Variants in ANKH observed in about 807,000 individuals in gnomAD.
The protein encoded by ANKH is mineralization regulator ANKH.
Under a neutral mutation model 49.0 loss-of-function variants are expected in ANKH, and 15 were observed. That is an observed-to-expected ratio of 0.31 (90% CI 0.20 to 0.47). The LOEUF is 0.47. ANKH is among the 20% of genes least tolerant of loss of function. The pLI is 1.00. For missense variants in ANKH, 429 were observed against 652.0 expected (o/e 0.66, Z 3.72); for synonymous variants, 273 against 260.0 (o/e 1.05, Z -0.48).
At chr5:14,757,431 T>TATATATA (rs1491137786) in intron 3 of ANKH, among the ~76,000 whole-genome samples, 225 of 106,582 alleles carry the variant, frequency 2.1e-3, no homozygotes, top group African/African-American at 7.3e-3. Flanking sequence ...TATATATATA[T>TATATATA]TTTTTTTTTT....
chr5:14,785,313 T>A (rs1484083270), intron 1 of ANKH, among the ~76,000 whole-genome samples: 3 of 152,128 alleles, frequency 2.0e-5, no homozygotes, highest in Non-Finnish European at 4.4e-5. Flanking sequence ...GGTGAGAGGA[T>A]CTTGGGGGTG....
At chr5:14,864,044 A>T (rs2126634026) in intron 1 of ANKH, among the ~76,000 whole-genome samples, 1 of 152,188 alleles carries the variant, frequency 6.6e-6, no homozygotes, top group South Asian at 2.1e-4. Context: ...ACAAGACCCA[A>T]TCTCTACAAA....
chr5:14,736,621 C>T (rs531979734), intron 8 of ANKH, among the ~76,000 whole-genome samples: 4 of 152,210 alleles, frequency 2.6e-5, no homozygotes, highest in Non-Finnish European at 5.9e-5. Context: ...TTTTTCTGAC[C>T]AGTCTCTCTC....
intron 1 of ANKH, among the ~76,000 whole-genome samples, chr5:14,793,057 T>TATATATATATA (rs1451315549): frequency 1.1e-4 from 6 of 54,646 alleles, no homozygotes; most frequent in East Asian, 7.9e-4. Flanking sequence ...TAAATATATA[T>TATATATATATA]AAAATATATA....
At chr5:14,756,792 G>A (rs1368171302) in intron 3 of ANKH, among the ~76,000 whole-genome samples, 1 of 152,114 alleles carries the variant, frequency 6.6e-6, no homozygotes, top group Admixed American at 6.5e-5. Context: ...CAGGGGTGAG[G>A]GGGTGGGGAG....
intron 8 of ANKH, among the ~76,000 whole-genome samples, chr5:14,730,274 G>A (rs916294976): frequency 3.9e-5 from 6 of 152,190 alleles, no homozygotes; most frequent in Admixed American, 6.5e-5. Flanking sequence ...GGATGATCCT[G>A]GGCTGCTGAC....
intron 1 of ANKH, among the ~76,000 whole-genome samples, chr5:14,821,363 T>A (rs116041578): frequency 2.6e-5 from 4 of 152,164 alleles, no homozygotes; most frequent in African/African-American, 9.7e-5. Context: ...CAGGAAGACA[T>A]AGTATGTTAT....
chr5:14,859,680 A>G (rs959010896), intron 1 of ANKH, among the ~76,000 whole-genome samples: 1 of 152,206 alleles, frequency 6.6e-6, no homozygotes, highest in African/African-American at 2.4e-5. Context: ...GAAGACTGCA[A>G]AGGGGCACTG....
Position 14,871,461 on chromosome 5 carries a change from G to A in ANKH, c.-14C>T. The A allele has an allele frequency of 3.1e-6, 5 of 1,608,434 alleles. No homozygotes were observed. Among genetic ancestry groups the A allele is most frequent in the Admixed American group, 1.7e-5 (1 of 59,922 alleles). On this transcript the variant is annotated 5_prime_UTR_variant, in exon 1 of 12. Coordinates refer to ENST00000284268, the MANE Select transcript of ANKH (RefSeq NM_054027.6). ...GAATTTCACCATAGTCCCCGCCGTGGGCTGACCCCACACACATCTGCTGCC... is the reference window on the plus strand; with the variant it reads ...GAATTTCACCATAGTCCCCGCCGTGAGCTGACCCCACACACATCTGCTGCC...
At chr5:14,747,787 C>T (rs1353859794) in intron 6 of ANKH, among the ~76,000 whole-genome samples, 1 of 152,144 alleles carries the variant, frequency 6.6e-6, no homozygotes, top group Non-Finnish European at 1.5e-5. Context: ...TGTGGTGTGG[C>T]GTGCTGTGCT....
intron 1 of ANKH, among the ~76,000 whole-genome samples, chr5:14,773,776 T>G (rs973922681): frequency 4.6e-5 from 7 of 152,356 alleles, no homozygotes; most frequent in African/African-American, 1.7e-4. Context: ...TGTTTACTGC[T>G]GTTCACCTAC....
rs1738637486 is a variant in ANKH at position 14,749,294 on chromosome 5, T to C, written c.700A>G (p.Ile234Val). The change falls in exon 6 of 12, where the codon ATA becomes GTA. Residue 234 changes from isoleucine (I) to valine (V), a missense_variant. Physicochemically the swap from Ile to Val is conservative, Grantham distance 29 (BLOSUM62 3). Transcript: ENST00000284268. Reference protein sequence around the residue: ...SGPELGGDATIRKMLSFWWPL... With the variant: ...SGPELGGDATVRKMLSFWWPL... The stretch of plus-strand genomic sequence containing the variant: ...CACCAGAAGCTCAGCATCTTTCTTA[T>C]TGTTGCATCTCCCTGTGTTAAGAAA... 1 of 1,614,238 alleles carries C rather than the reference T, an allele frequency of 6.2e-7. No individual in the cohort carries two copies. The highest frequency in any genetic ancestry group is 1.6e-4 in the Middle Eastern group (1 of 6,062).
chr5:14,814,646 G>A (rs888777534), intron 1 of ANKH, among the ~76,000 whole-genome samples: 1 of 152,122 alleles, frequency 6.6e-6, no homozygotes, highest in Non-Finnish European at 1.5e-5. Flanking sequence ...GACCCGGAGT[G>A]GATAAATTAA....
rs543730078 is a variant in ANKH at position 14,761,442 on chromosome 5, C to T, written c.314-2844G>A. Among the ~76,000 whole-genome samples, 170 of 152,142 alleles carry T rather than the reference C, an allele frequency of 1.1e-3. 1 individual carries two copies. Among genetic ancestry groups the T allele is most frequent in the African/African-American group, 4.0e-3 (165 of 41,502 alleles). ...AGCAGGGCATGCAGTCTGCATGTAG[C>T]GCCCAGAAATAGAGATCAATACACA... On this transcript the variant is annotated intron_variant, in intron 2 of 11. Coordinates refer to ENST00000284268, the MANE Select transcript of ANKH (RefSeq NM_054027.6).
At chr5:14,867,618 G>A (rs1735685810) in intron 1 of ANKH, among the ~76,000 whole-genome samples, 1 of 151,936 alleles carries the variant, frequency 6.6e-6, no homozygotes, top group Admixed American at 6.6e-5. Flanking sequence ...GGACTGCAGT[G>A]GCGCAATCTC....
chr5:14,716,858 G>C lies in ANKH; in HGVS notation c.1012-23C>G, dbSNP rs200491982. 605 of 1,612,754 alleles carry C rather than the reference G, an allele frequency of 3.8e-4. 5 individuals carry two copies. The African/African-American group carries it at 7.0e-3, about 19-fold the overall frequency. On this transcript the variant is annotated intron_variant, in intron 8 of 11. Coordinates refer to ENST00000284268, the MANE Select transcript of ANKH (RefSeq NM_054027.6). ...GAGCTGGGGAGAAAGACATCAAACAGGGTTGTGAGGAAAAAGTGTAAGCAG... is the reference window on the plus strand; with the variant it reads ...GAGCTGGGGAGAAAGACATCAAACACGGTTGTGAGGAAAAAGTGTAAGCAG...
chr5:14,821,889 CT>C (rs200415937), intron 1 of ANKH, among the ~76,000 whole-genome samples: 22 of 151,480 alleles, frequency 1.5e-4, no homozygotes, highest in Non-Finnish European at 2.4e-4. Flanking sequence ...TGGGTTTTTC[CT>C]TTTTTTTTCC....
chr5:14,871,374 A>C lies in ANKH; in HGVS notation c.74T>G (p.Ile25Arg). The C allele has an allele frequency of 6.2e-7, 1 of 1,612,472 alleles. No individual in the cohort carries two copies. Residue 25 changes from isoleucine to arginine, a missense_variant, in exon 1 of 12, where the codon ATA becomes AGA. This residue lies in a region of ANKH where 378 missense variants were observed against 615.3 expected (regional missense o/e 0.61). Coordinates refer to ENST00000284268, the MANE Select transcript of ANKH (RefSeq NM_054027.6). ...RFLVPLGITN[I>R]AIDFGEQALN... ...TACCTGCTCCCCGAAGTCGATGGCTATGTTGGTGATGCCCAGGGGCACCAA... is the reference window on the plus strand; with the variant it reads ...TACCTGCTCCCCGAAGTCGATGGCTCTGTTGGTGATGCCCAGGGGCACCAA...
intron 1 of ANKH, among the ~76,000 whole-genome samples, chr5:14,815,193 T>C (rs1248171368): frequency 6.6e-6 from 1 of 152,206 alleles, no homozygotes; most frequent in Non-Finnish European, 1.5e-5. Context: ...TAATAATACC[T>C]ACTGGGCTGT....
Sources: allele counts gnomAD v4.1 joint callset (sites outside exome capture counted in the v4.1 genomes callset), GRCh38; gene constraint gnomAD v4.1.1; regional missense constraint gnomAD v4.1.1; transcripts MANE v1.5; gene names NCBI Gene and HGNC (gene_info 2026-07-23, HGNC 2026-07-21).